RALGAPA1: variants seen among roughly 807,000 people sequenced by gnomAD.
RALGAPA1 encodes the protein ral GTPase-activating protein subunit alpha-1.
Under a neutral mutation model 269.6 loss-of-function variants are expected in RALGAPA1, and 52 were observed. The observed-to-expected ratio is 0.19, with a 90% CI of 0.15 to 0.24. RALGAPA1 has a LOEUF of 0.24. Ranked by LOEUF, RALGAPA1 falls within the 10% of genes least tolerant of loss-of-function variation. The probability of loss-of-function intolerance (pLI) is 1.00; values close to 1 mark genes in which losing one functional copy is unlikely to be tolerated. For synonymous variants in RALGAPA1, 817 were observed against 1,008.3 expected, an observed-to-expected ratio of 0.81 and a Z score of 3.60; for missense variants, 1,917 against 3,013.9, an observed-to-expected ratio of 0.64 and a Z score of 8.52.
Position 35,549,220 on chromosome 14 carries a change from G to A in RALGAPA1, c.7511C>T (p.Ala2504Val). 1 of 1,612,140 alleles carries A rather than the reference G, an allele frequency of 6.2e-7. No individual in the cohort carries two copies. The highest frequency in any genetic ancestry group is 2.2e-5 in the East Asian group (1 of 44,772). ...PLYQNFYEER[A>V]RYLQTIVQHH... is the part of the protein sequence containing the mutation. The stretch of plus-strand genomic sequence containing the variant: ...CTGGACAATTGTTTGCAGGTATCGT[G>A]CTCTCTCCTCATAGCTGATTTCCTT... The change falls in exon 40 of 42, where the codon GCA (alanine) becomes GTA (valine). Residue 2504 changes from alanine (A) to valine (V), a missense_variant. Around this residue, in one of 11 missense-constraint regions of RALGAPA1, gnomAD observed 91 missense variants for 130.9 expected, o/e 0.70. Coordinates refer to ENST00000680220, the MANE Select transcript of RALGAPA1 (RefSeq NM_001346249.2).
chr14:35,750,153 T>G (rs2141244597), intron 9 of RALGAPA1, among the ~76,000 whole-genome samples: 1 of 152,234 alleles, frequency 6.6e-6, no homozygotes, highest in African/African-American at 2.4e-5. Context: ...AAAAGGGCCA[T>G]CAAGGTTCTA....
chr14:35,669,232 A>G (rs1164152090), intron 26 of RALGAPA1, among the ~76,000 whole-genome samples: 1 of 152,140 alleles, frequency 6.6e-6, no homozygotes, highest in Non-Finnish European at 1.5e-5. Context: ...TCCTTATAAA[A>G]TAATCCTATA....
intron 41 of RALGAPA1, among the ~76,000 whole-genome samples, chr14:35,540,585 T>C (rs2053877987): frequency 6.6e-6 from 1 of 152,214 alleles, no homozygotes; most frequent in Non-Finnish European, 1.5e-5. Context: ...TTGCACACTG[T>C]AGGCTTTCAA....
rs1879216891 is a variant in RALGAPA1, at chr14:35,683,794, C to T, written c.4471+15G>A. 2.6e-6 allele frequency: 4 copies of T among 1,558,592 alleles called. No homozygotes were observed. The Admixed American group carries it at 5.4e-5, about 21-fold the overall frequency. On this transcript the variant is annotated intron_variant, in intron 21 of 41. Coordinates refer to ENST00000680220, the MANE Select transcript of RALGAPA1 (RefSeq NM_001346249.2). ...AAAATACATTTAAGAAACACATTCC[C>T]ATGAATAACTTTACCAGTAATAGTT... is the stretch of plus-strand genomic sequence containing the variant.
intron 21 of RALGAPA1, among the ~76,000 whole-genome samples, chr14:35,682,050 C>T (rs1405781510): frequency 6.6e-6 from 1 of 152,118 alleles, no homozygotes; most frequent in East Asian, 1.9e-4. Flanking sequence ...ATTTATTTAT[C>T]CACTCACCAA....
intron 4 of RALGAPA1, among the ~76,000 whole-genome samples, chr14:35,767,483 C>A (rs764546906): frequency 6.6e-6 from 1 of 151,960 alleles, no homozygotes; most frequent in Non-Finnish European, 1.5e-5. Context: ...GTCAGGAGAT[C>A]GAGACCATCC....
Position 35,686,600 on chromosome 14 carries a change from T to A in RALGAPA1, c.4019A>T (p.Asn1340Ile), listed in dbSNP as rs142979833. The change falls in exon 19 of 42, where the codon AAT (asparagine) becomes ATT (isoleucine). Residue 1340 changes from asparagine to isoleucine, a missense_variant. Physicochemically the swap from Asn to Ile is moderately radical, Grantham distance 149 (BLOSUM62 -3). Around this residue, in one of 11 missense-constraint regions of RALGAPA1, gnomAD observed 615 missense variants for 790.0 expected, o/e 0.78. Coordinates refer to ENST00000680220, the MANE Select transcript of RALGAPA1 (RefSeq NM_001346249.2). ...LNSDIGGSSA[N>I]VPDLMDEFIA... is the part of the protein sequence containing the mutation. The stretch of plus-strand genomic sequence containing the variant: ...AAACTCATCCATCAGATCAGGAACA[T>A]TAGCACTGCTGCCGCCAATATCACT... 225 of 1,610,098 alleles carry A rather than the reference T, an allele frequency of 1.4e-4. 1 individual carries two copies. In the Middle Eastern group the frequency reaches 4.3e-3, roughly 31 times the overall value.
intron 22 of RALGAPA1, chr14:35,677,713 A>C (rs779211723): frequency 2.5e-5 from 11 of 436,314 alleles, no homozygotes; most frequent in Non-Finnish European, 3.6e-5. Flanking sequence ...ATACTTGAAA[A>C]TAATGCAATA....
At chr14:35,785,440 A>C (rs2075729550) in intron 1 of RALGAPA1, among the ~76,000 whole-genome samples, 1 of 152,230 alleles carries the variant, frequency 6.6e-6, no homozygotes, top group Non-Finnish European at 1.5e-5. Context: ...AGAAGTAAAA[A>C]GAGGTTTTAT....
intron 35 of RALGAPA1, among the ~76,000 whole-genome samples, chr14:35,613,673 C>A (rs1213598417): frequency 3.9e-5 from 6 of 152,160 alleles, no homozygotes; most frequent in African/African-American, 1.4e-4. Flanking sequence ...ACATACCCAT[C>A]TTTCCCGTGT....
At chr14:35,711,203 G>A (rs1015914363) in intron 16 of RALGAPA1, among the ~76,000 whole-genome samples, 2 of 152,022 alleles carry the variant, frequency 1.3e-5, no homozygotes, top group South Asian at 2.1e-4. Context: ...CTTTTAATTG[G>A]TTTATTTAGA....
At chr14:35,573,551 C>T (rs1318966788) in intron 37 of RALGAPA1, among the ~76,000 whole-genome samples, 4 of 152,066 alleles carry the variant, frequency 2.6e-5, no homozygotes, top group South Asian at 2.1e-4. Flanking sequence ...TCAATATTTA[C>T]GCTATCAGCT....
At chr14:35,716,801 A>G (rs2068870111) in intron 16 of RALGAPA1, among the ~76,000 whole-genome samples, 1 of 152,104 alleles carries the variant, frequency 6.6e-6, no homozygotes, top group Non-Finnish European at 1.5e-5. Context: ...TCTAATTTTA[A>G]TTATTTTCTC....
At chr14:35,578,231 G>T (rs1454914192) in intron 37 of RALGAPA1, among the ~76,000 whole-genome samples, 1 of 152,138 alleles carries the variant, frequency 6.6e-6, no homozygotes, top group Non-Finnish European at 1.5e-5. Context: ...AAATACAAAT[G>T]ATGCTCTAAA....
At chr14:35,797,223 G>A (rs1158669391) in intron 1 of RALGAPA1, among the ~76,000 whole-genome samples, 3 of 151,724 alleles carry the variant, frequency 2.0e-5, no homozygotes, top group Admixed American at 6.6e-5. Context: ...GCGTGGTGGT[G>A]CGTGCCTGTA....
chr14:35,590,222 T>A (rs895234364), intron 37 of RALGAPA1, among the ~76,000 whole-genome samples: 2 of 152,196 alleles, frequency 1.3e-5, no homozygotes, highest in Non-Finnish European at 2.9e-5. Context: ...CTGAATATGC[T>A]TTCATAGACT....
chr14:35,556,367 G>A (rs1475871834), intron 39 of RALGAPA1, among the ~76,000 whole-genome samples: 1 of 152,114 alleles, frequency 6.6e-6, no homozygotes, highest in Non-Finnish European at 1.5e-5. Context: ...AGCAAGATCT[G>A]ATAAATTAAG....
chr14:35,688,539 C>T lies in RALGAPA1; in HGVS notation c.3872G>A (p.Arg1291Lys). 1 of 1,536,112 alleles carries T rather than the reference C, an allele frequency of 6.5e-7. No individual in the cohort carries two copies. The highest frequency in any genetic ancestry group is 1.2e-5 in the South Asian group (1 of 84,062). The part of the protein sequence containing the change: ...SKPKANVSPQ[R>K]QNRMPPEAPL... The stretch of plus-strand genomic sequence containing the variant: ...AGCCTCTGGTGGCATTCTGTTCTGC[C>T]TCTGTGGGGAAACATTTGCCTTCGG... Residue 1291 changes from arginine to lysine, a missense_variant, in exon 18 of 42, where the codon AGG (arginine) becomes AAG (lysine). Physicochemically the swap from Arg to Lys is conservative, Grantham distance 26. This residue lies in a region of RALGAPA1 where 615 missense variants were observed against 790.0 expected (regional missense o/e 0.78). Coordinates refer to ENST00000680220, the MANE Select transcript of RALGAPA1 (RefSeq NM_001346249.2).
chr14:35,540,481 A>C (rs941951737), intron 41 of RALGAPA1, among the ~76,000 whole-genome samples: 1 of 152,224 alleles, frequency 6.6e-6, no homozygotes, highest in Non-Finnish European at 1.5e-5. Flanking sequence ...ATCAAATAGG[A>C]AAGTTCTTTG....
Sources: gnomAD v4.1 joint callset for allele counts (sites outside exome capture counted in the v4.1 genomes callset) on GRCh38, gnomAD v4.1.1 for gene constraint, gnomAD v4.1.1 regional missense constraint, MANE v1.5 for transcripts, NCBI Gene and HGNC (gene_info 2026-07-23, HGNC 2026-07-21) for gene names.